AOAH: variants seen among roughly 807,000 people sequenced by gnomAD.
AOAH encodes acyloxyacyl hydrolase.
Under a neutral mutation model 92.2 loss-of-function variants are expected in AOAH, and 64 were observed. The ratio of observed to expected loss-of-function variants is 0.69; its 90% CI spans 0.57 to 0.86. The LOEUF is 0.86. Ranked by LOEUF, AOAH falls within the 40% of genes least tolerant of loss-of-function variation. AOAH has a pLI of 0.00. For missense variants in AOAH, 656 were observed against 694.6 expected, an observed-to-expected ratio of 0.94 and a Z score of 0.62; for synonymous variants, 263 against 254.5, an observed-to-expected ratio of 1.03 and a Z score of -0.32.
intron 20 of AOAH, among the ~76,000 whole-genome samples, chr7:36,517,214 C>CTTTCTCTCTTTTTCTCTT (rs59205788): frequency 9.5e-6 from 1 of 104,830 alleles, no homozygotes; most frequent in Non-Finnish European, 1.9e-5. Context: ...TTCTTTCTTT[C>CTTTCTCTCTTTTTCTCTT]TCTTTCTTTC....
chr7:36,522,030 T>C lies in AOAH; in HGVS notation c.1599+9A>G. The C allele has an allele frequency of 6.2e-7, 1 of 1,613,456 alleles. No individual in the cohort carries two copies. Among genetic ancestry groups the C allele is most frequent in the Non-Finnish European group, 8.5e-7 (1 of 1,179,316 alleles). On this transcript the variant is annotated intron_variant, in intron 20 of 20. Coordinates refer to ENST00000617537, the MANE Select transcript of AOAH (RefSeq NM_001637.4). ...TAGCCTTCTGCAGCCACCATGTGAC[T>C]GTGCTTACCTCGTTGGGGTGGAATC...
At chr7:36,524,604 A>T (rs1185033045) in intron 19 of AOAH, among the ~76,000 whole-genome samples, 1 of 151,972 alleles carries the variant, frequency 6.6e-6, no homozygotes, top group Non-Finnish European at 1.5e-5. Context: ...TGAACATGGG[A>T]GGCAGAGATT....
chr7:36,723,234 T>C (rs866005234), intron 1 of AOAH, among the ~76,000 whole-genome samples: 2 of 152,160 alleles, frequency 1.3e-5, no homozygotes, highest in African/African-American at 2.4e-5. Flanking sequence ...TGTGGCTCCA[T>C]GGACTGTACC....
chr7:36,556,322 G>C (rs200708260), intron 13 of AOAH, among the ~76,000 whole-genome samples: 1 of 151,870 alleles, frequency 6.6e-6, no homozygotes, highest in Non-Finnish European at 1.5e-5. Context: ...CCTGAGTTCT[G>C]GTTTGTTTGC....
intron 11 of AOAH, among the ~76,000 whole-genome samples, chr7:36,602,244 T>TTTTA (rs1223608203): frequency 6.6e-6 from 1 of 152,132 alleles, no homozygotes; most frequent in Non-Finnish European, 1.5e-5. Flanking sequence ...ATGCAGCTCT[T>TTTTA]TTTATTTATT....
At chr7:36,623,047 G>C (rs1583969758) in intron 7 of AOAH, 143 bp downstream of exon 7, 1 of 803,738 alleles carries the variant, frequency 1.2e-6, no homozygotes, top group Non-Finnish European at 2.1e-6. Flanking sequence ...TCTCAAAAAA[G>C]AAAAGAAATT....
intron 13 of AOAH, among the ~76,000 whole-genome samples, chr7:36,555,370 T>C (rs1427448681): frequency 2.0e-5 from 3 of 152,162 alleles, no homozygotes; most frequent in African/African-American, 7.2e-5. Flanking sequence ...TTTGATGTGC[T>C]GCTGGATTCG....
At chr7:36,672,661 C>G (rs1268024208) in intron 3 of AOAH, among the ~76,000 whole-genome samples, 1 of 151,964 alleles carries the variant, frequency 6.6e-6, no homozygotes, top group Non-Finnish European at 1.5e-5. Flanking sequence ...GGACAAATAC[C>G]TAATGAATGT....
chr7:36,556,876 G>A (rs1786769326), intron 13 of AOAH, among the ~76,000 whole-genome samples: 1 of 150,528 alleles, frequency 6.6e-6, no homozygotes, highest in Admixed American at 6.7e-5. Flanking sequence ...GCCTATGTGT[G>A]TCTCTGCACG....
intron 14 of AOAH, 22 bp from the exon 15 acceptor site, chr7:36,548,708 C>G: frequency 6.2e-7 from 1 of 1,605,324 alleles, no homozygotes; most frequent in African/African-American, 1.3e-5. Context: ...TAGATGGAAT[C>G]TGAATGTCAG....
intron 20 of AOAH, among the ~76,000 whole-genome samples, chr7:36,513,642 G>C (rs1790171768): frequency 6.6e-6 from 1 of 152,222 alleles, no homozygotes; most frequent in Non-Finnish European, 1.5e-5. Flanking sequence ...CTAGTGACTG[G>C]CTTCGGAGGC....
At chr7:36,555,511 G>T (rs1167316551) in intron 13 of AOAH, among the ~76,000 whole-genome samples, 1 of 152,138 alleles carries the variant, frequency 6.6e-6, no homozygotes, top group Non-Finnish European at 1.5e-5. Context: ...AAATGAGTTA[G>T]GGAGGATTCC....
intron 4 of AOAH, among the ~76,000 whole-genome samples, chr7:36,656,877 T>TGTG (rs1794923905): frequency 7.9e-6 from 1 of 126,330 alleles, no homozygotes; most frequent in Non-Finnish European, 1.6e-5. Flanking sequence ...CAAAGAGGTT[T>TGTG]GGTGGGGGGT....
chr7:36,622,913 G>T (rs1013066725), intron 7 of AOAH, among the ~76,000 whole-genome samples: 3 of 152,154 alleles, frequency 2.0e-5, no homozygotes, highest in Non-Finnish European at 4.4e-5. Flanking sequence ...AGGTGTGGTG[G>T]TGCATGCCTG....
intron 2 of AOAH, among the ~76,000 whole-genome samples, chr7:36,676,336 ATTAAGGAAAACAATTCCAT>A (rs369723657): frequency 3.9e-5 from 6 of 152,340 alleles, no homozygotes; most frequent in African/African-American, 9.6e-5. Context: ...AAAAACTGAA[ATTAAGGAAAACAATTCCAT>A]TTACAGTAGC....
chr7:36,580,746 A>G (rs1788875581), intron 12 of AOAH, among the ~76,000 whole-genome samples: 1 of 152,166 alleles, frequency 6.6e-6, no homozygotes, highest in Non-Finnish European at 1.5e-5. Flanking sequence ...CTTGTTGACT[A>G]CAGCCCTCAC....
intron 20 of AOAH, chr7:36,514,469 TACTCTCTG>T: frequency 6.5e-7 from 1 of 1,532,818 alleles, no homozygotes; most frequent in South Asian, 1.2e-5. Context: ...GCCTGAGGCT[TACTCTCTG>T]GTTCTGCTGT....
intron 1 of AOAH, among the ~76,000 whole-genome samples, chr7:36,709,748 G>A (rs1365007705): frequency 1.3e-5 from 2 of 151,762 alleles, no homozygotes; most frequent in East Asian, 1.9e-4. Flanking sequence ...AAAAACAACT[G>A]TTTTATATGC....
intron 1 of AOAH, among the ~76,000 whole-genome samples, chr7:36,709,257 A>G (rs1798615267): frequency 6.6e-6 from 1 of 151,798 alleles, no homozygotes; most frequent in South Asian, 2.1e-4. Context: ...GGATCTTTAC[A>G]CCTCGGTGAA....
Sources: allele counts gnomAD v4.1 joint callset (sites outside exome capture counted in the v4.1 genomes callset), GRCh38; gene constraint gnomAD v4.1.1; transcripts MANE v1.5; gene names NCBI Gene and HGNC (gene_info 2026-07-23, HGNC 2026-07-21).